Variants in UCK2 observed in about 807,000 individuals in gnomAD.
UCK2 encodes the protein cytidine monophosphokinase 2.
In UCK2, 6 loss-of-function variants were observed where a neutral mutation model predicts 30.8. The observed-to-expected ratio is 0.19, with a 90% CI of 0.11 to 0.38. The LOEUF is 0.38. Among genes scored for constraint, UCK2 ranks in the 10% least tolerant of loss-of-function variants. The pLI is 1.00. For missense variants in UCK2, 210 were observed against 339.8 expected, an observed-to-expected ratio of 0.62 and a Z score of 3.00; for synonymous variants, 125 against 133.6, an observed-to-expected ratio of 0.94 and a Z score of 0.45.
At chr1:165,892,148 T>C (rs1655785680) in intron 3 of UCK2, 1 of 151,744 alleles carries the variant, frequency 6.6e-6, no homozygotes, top group Admixed American at 6.6e-5. Flanking sequence ...CAGAATCTTC[T>C]GAAACACTTC....
chr1:165,848,002 G>A (rs958078618), intron 1 of UCK2, among the ~76,000 whole-genome samples: 4 of 151,202 alleles, frequency 2.6e-5, no homozygotes, highest in African/African-American at 9.7e-5. Context: ...GCACCCAGCC[G>A]AAGATTAGGT....
intron 1 of UCK2, among the ~76,000 whole-genome samples, chr1:165,850,873 C>T (rs1352178683): frequency 3.3e-5 from 5 of 150,338 alleles, no homozygotes; most frequent in African/African-American, 9.8e-5. Flanking sequence ...CCACCCGCCT[C>T]GGCCTCCCAA....
intron 1 of UCK2, among the ~76,000 whole-genome samples, chr1:165,873,993 A>G (rs1301347525): frequency 3.3e-5 from 5 of 152,144 alleles, no homozygotes; most frequent in Non-Finnish European, 7.3e-5. Flanking sequence ...AACATAGGTA[A>G]TGACTTTAGC....
At chr1:165,847,366 TATG>T in intron 1 of UCK2, among the ~76,000 whole-genome samples, 1 of 152,190 alleles carries the variant, frequency 6.6e-6, no homozygotes, top group African/African-American at 2.4e-5. Context: ...AATTATCTCT[TATG>T]ATGGTGGTGG....
intron 1 of UCK2, among the ~76,000 whole-genome samples, chr1:165,885,961 G>A (rs1432301308): frequency 6.6e-6 from 1 of 152,070 alleles, no homozygotes; most frequent in South Asian, 2.1e-4. Context: ...ACATCTCAGT[G>A]GTGTTGAGTA....
At chr1:165,852,865 A>C (rs1654632412) in intron 1 of UCK2, among the ~76,000 whole-genome samples, 2 of 152,242 alleles carry the variant, frequency 1.3e-5, no homozygotes, top group Admixed American at 6.5e-5. Context: ...CCACAGCTCT[A>C]TGGAAACTAC....
intron 1 of UCK2, among the ~76,000 whole-genome samples, chr1:165,883,462 C>G (rs1363491612): frequency 6.6e-6 from 1 of 152,154 alleles, no homozygotes; most frequent in Non-Finnish European, 1.5e-5. Flanking sequence ...GGGAGACACA[C>G]CCCCACCCCC....
chr1:165,892,225 C>T (rs375289094), intron 3 of UCK2: 24 of 151,078 alleles, frequency 1.6e-4, no homozygotes, highest in African/African-American at 5.4e-4. Flanking sequence ...CATCCTCACG[C>T]CTCCCGTGTC....
chr1:165,847,778 T>G (rs936559544), intron 1 of UCK2, among the ~76,000 whole-genome samples: 2 of 152,128 alleles, frequency 1.3e-5, no homozygotes, highest in Admixed American at 6.5e-5. Flanking sequence ...CATTCCCAGC[T>G]TGAAGATTAG....
chr1:165,878,503 G>T (rs1169736998), intron 1 of UCK2, among the ~76,000 whole-genome samples: 1 of 152,012 alleles, frequency 6.6e-6, no homozygotes, highest in Non-Finnish European at 1.5e-5. Context: ...GCTAATTTTT[G>T]TATTTTTAGT....
At chr1:165,868,610 CT>C (rs1202628356) in intron 1 of UCK2, among the ~76,000 whole-genome samples, 1 of 152,208 alleles carries the variant, frequency 6.6e-6, no homozygotes. Flanking sequence ...TAGCTTCAAA[CT>C]TTTCTTGTGT....
At chr1:165,863,585 G>A (rs2101866392) in intron 1 of UCK2, among the ~76,000 whole-genome samples, 1 of 152,336 alleles carries the variant, frequency 6.6e-6, no homozygotes, top group East Asian at 1.9e-4. Context: ...GTTGGGGACT[G>A]CCTGTAGGGC....
At chr1:165,839,782 G>A (rs1186253796) in intron 1 of UCK2, among the ~76,000 whole-genome samples, 1 of 152,218 alleles carries the variant, frequency 6.6e-6, no homozygotes, top group Admixed American at 6.5e-5. Context: ...GTCTGGTTTG[G>A]AGAGGTGTTA....
chr1:165,834,613 G>A (rs1396170435), intron 1 of UCK2, among the ~76,000 whole-genome samples: 1 of 152,222 alleles, frequency 6.6e-6, no homozygotes, highest in Non-Finnish European at 1.5e-5. Flanking sequence ...CTAAATGTAT[G>A]CCTGAGAATT....
chr1:165,907,801 A>C lies in UCK2; in HGVS notation c.764A>C (p.Glu255Ala). The change falls in exon 7 of 7, where the codon GAG (glutamate) becomes GCG (alanine). Residue 255 changes from glutamate (E) to alanine (A), a missense_variant. Physicochemically the swap from Glu to Ala is moderately radical, Grantham distance 107 (BLOSUM62 -1). This residue lies in a region of UCK2 where 38 missense variants were observed against 45.4 expected (regional missense o/e 0.84). Coordinates refer to ENST00000367879, the MANE Select transcript of UCK2 (RefSeq NM_012474.5). The part of the protein sequence containing the change: ...YTPSRKRQAS[E>A]SSSRPH ...CCTTCACGCAAGAGGCAGGCATCGGAGTCCAGCAGCAGGCCGCATTGACCC... is the reference window on the plus strand; with the variant it reads ...CCTTCACGCAAGAGGCAGGCATCGGCGTCCAGCAGCAGGCCGCATTGACCC... 2 of 1,614,208 alleles carry C rather than the reference A, an allele frequency of 1.2e-6. No homozygotes were observed. The highest frequency in any genetic ancestry group is 1.7e-6 in the Non-Finnish European group (2 of 1,180,042).
At chr1:165,872,099 G>T (rs1393848672) in intron 1 of UCK2, among the ~76,000 whole-genome samples, 1 of 151,706 alleles carries the variant, frequency 6.6e-6, no homozygotes, top group African/African-American at 2.4e-5. Context: ...TTTGAGACAG[G>T]GTCTTGCTCT....
intron 1 of UCK2, among the ~76,000 whole-genome samples, chr1:165,852,946 G>T (rs1277256607): frequency 6.6e-6 from 1 of 152,160 alleles, no homozygotes; most frequent in Non-Finnish European, 1.5e-5. Context: ...TCCCTTAAAG[G>T]TTATTGTTCC....
chr1:165,844,008 GTTTTA>G (rs1654390269), intron 1 of UCK2, among the ~76,000 whole-genome samples: 1 of 152,266 alleles, frequency 6.6e-6, no homozygotes, highest in Admixed American at 6.5e-5. Flanking sequence ...TATTCTAAGT[GTTTTA>G]TTTGTATTAA....
At chr1:165,836,949 G>A (rs949910945) in intron 1 of UCK2, among the ~76,000 whole-genome samples, 4 of 152,168 alleles carry the variant, frequency 2.6e-5, no homozygotes, top group South Asian at 2.1e-4. Flanking sequence ...GTCCTGGAAG[G>A]CAGAAGGGCA....
Sources: gnomAD v4.1 joint callset for allele counts (sites outside exome capture counted in the v4.1 genomes callset) on GRCh38, gnomAD v4.1.1 for gene constraint, gnomAD v4.1.1 regional missense constraint, MANE v1.5 for transcripts, NCBI Gene and HGNC (gene_info 2026-07-23, HGNC 2026-07-21) for gene names.